SCLY: variants seen among roughly 807,000 people sequenced by gnomAD.
SCLY encodes the protein putative selenocysteine lyase.
A neutral mutation model predicts 50.1 loss-of-function variants in SCLY; 38 were observed. The ratio of observed to expected loss-of-function variants is 0.76; its 90% confidence interval spans 0.59 to 0.99. SCLY has a LOEUF of 0.99. Among genes scored for constraint, SCLY ranks in the 50% least tolerant of loss-of-function variants. The pLI is 0.00. For missense variants in SCLY, 600 were observed against 620.0 expected (o/e 0.97, Z 0.34); for synonymous variants, 243 against 249.4 (o/e 0.97, Z 0.24).
Position 238,069,203 on chromosome 2 carries a change from T to A in SCLY, c.304-94T>A. On this transcript the variant is annotated intron_variant, in intron 3 of 11. Transcript: ENST00000254663. The surrounding 1 kb of genome is among the most constrained non-coding windows in gnomAD (Gnocchi z 5.0). ...GAATTTCTTTGAAGCTTTTTTGATGTTAGCCACAAAAGAAATTAAGTAACA... is the reference window on the plus strand; with the variant it reads ...GAATTTCTTTGAAGCTTTTTTGATGATAGCCACAAAAGAAATTAAGTAACA... 1.7e-6 allele frequency: 2 copies of A among 1,163,814 alleles called. No homozygotes were observed. The highest frequency in any genetic ancestry group is 3.1e-5 in the South Asian group (2 of 63,666). The allele number at this position is 1,163,814 out of a possible 1,614,324, so 72.1% of individuals were successfully genotyped here.
chr2:238,071,006 A>G (rs2065122175), intron 4 of SCLY, among the ~76,000 whole-genome samples: 1 of 151,690 alleles, frequency 6.6e-6, no homozygotes, highest in African/African-American at 2.4e-5. Context: ...TGATTTTTAT[A>G]TTTTTAAGAG....
At chr2:238,072,661 T>C (rs1024961403) in intron 4 of SCLY, among the ~76,000 whole-genome samples, 3 of 152,248 alleles carry the variant, frequency 2.0e-5, no homozygotes, top group African/African-American at 7.2e-5. Flanking sequence ...CATGTACTCC[T>C]TGGCCATTTG....
Position 238,064,259 on chromosome 2 carries a change from A to G in SCLY, c.90-98A>G, listed in dbSNP as rs1019536470. Reference sequence around the variant, plus strand: ...TGCAGAGGATCACCATGCCCTTGACATTATTTGCTCCTGCCGATGGGATAG... The same window carrying G: ...TGCAGAGGATCACCATGCCCTTGACGTTATTTGCTCCTGCCGATGGGATAG... On this transcript the variant is annotated intron_variant, in intron 1 of 11. Transcript: ENST00000254663. The G allele has an allele frequency of 1.4e-5, 9 of 649,716 alleles. No individual in the cohort carries two copies. In the African/African-American group the frequency reaches 1.7e-4, roughly 12 times the overall value. 40.2% of individuals were successfully genotyped at this position (649,716 alleles called of 1,614,324 possible). A position where few individuals can be genotyped will look rare whatever the true frequency, so the allele number is the denominator to read the frequency against.
rs540774829 is a variant in SCLY at position 238,067,047 on chromosome 2, G to A, written c.203-1018G>A. On this transcript the variant is annotated intron_variant, in intron 2 of 11. Transcript: ENST00000254663. The surrounding 1 kb of genome is among the most constrained non-coding windows in gnomAD (Gnocchi z 4.3). ...CCACCGGGTCCCTCTGATGACGTGGGAATTATGGGAGCTACAATTCAAGAT... is the reference window on the plus strand; with the variant it reads ...CCACCGGGTCCCTCTGATGACGTGGAAATTATGGGAGCTACAATTCAAGAT... 6.6e-6 allele frequency among the ~76,000 whole-genome samples: 1 copy of A among 152,154 alleles called. No individual in the cohort carries two copies. The highest frequency in any genetic ancestry group is 1.5e-5 in the Non-Finnish European group (1 of 68,030).
At chr2:238,075,768 T>C (rs1446590539) in intron 4 of SCLY, among the ~76,000 whole-genome samples, 3 of 152,190 alleles carry the variant, frequency 2.0e-5, no homozygotes, top group Admixed American at 6.5e-5. Flanking sequence ...TCTTGTTCAA[T>C]TTAGCTAAAG....
At chr2:238,082,845 A>G (rs995787324) in intron 6 of SCLY, 17 of 304,142 alleles carry the variant, frequency 5.6e-5, no homozygotes, top group Non-Finnish European at 9.2e-5. Context: ...TGTCAGTTGG[A>G]AACATGGAAT....
At chr2:238,094,033 G>C in intron 9 of SCLY, 89 bp downstream of exon 9, 1 of 1,134,666 alleles carries the variant, frequency 8.8e-7, no homozygotes, top group Non-Finnish European at 1.3e-6. Flanking sequence ...CCAGACCCCA[G>C]GACCTGTGGG....
intron 8 of SCLY, chr2:238,091,546 T>TG: frequency 7.3e-6 from 3 of 409,964 alleles, no homozygotes; most frequent in African/African-American, 2.0e-5. Context: ...AGCTGCAGGT[T>TG]CACCATTCCC....
chr2:238,088,071 G>C (rs879565921), intron 7 of SCLY, among the ~76,000 whole-genome samples: 4 of 152,184 alleles, frequency 2.6e-5, no homozygotes, highest in Non-Finnish European at 4.4e-5. Context: ...CTCCAGTTTG[G>C]GTGACAAAGT....
intron 7 of SCLY, among the ~76,000 whole-genome samples, chr2:238,089,922 G>C (rs550506648): frequency 1.2e-4 from 18 of 152,280 alleles, no homozygotes; most frequent in African/African-American, 4.3e-4. Context: ...TGATAAATTA[G>C]ACTTCATCAG....
At chr2:238,078,513 GCTTA>G (rs2065196564) in intron 4 of SCLY, 1 of 151,876 alleles carries the variant, frequency 6.6e-6, no homozygotes, top group South Asian at 2.1e-4. Flanking sequence ...GTTGTCAAGG[GCTTA>G]CTATTTATGT....
At chr2:238,082,425 T>A (rs1416703038) in intron 6 of SCLY, among the ~76,000 whole-genome samples, 1 of 149,212 alleles carries the variant, frequency 6.7e-6, no homozygotes, top group Non-Finnish European at 1.5e-5. Flanking sequence ...ATGGGGGGGG[T>A]GCCCAGCCCA....
At chr2:238,095,434 CAA>C (rs1168134637) in intron 10 of SCLY, 1 of 152,172 alleles carries the variant, frequency 6.6e-6, no homozygotes, top group East Asian at 1.9e-4. Context: ...CATCTGTAAA[CAA>C]GTTTTTGACT....
At chr2:238,082,348 C>A in intron 6 of SCLY, 139 bp downstream of exon 6, 1 of 772,350 alleles carries the variant, frequency 1.3e-6, no homozygotes, top group Non-Finnish European at 2.0e-6. Flanking sequence ...GGATCCTTGT[C>A]CTCAGGAGCT....
intron 4 of SCLY, among the ~76,000 whole-genome samples, chr2:238,074,585 G>A (rs1245261284): frequency 6.6e-6 from 1 of 152,064 alleles, no homozygotes; most frequent in Non-Finnish European, 1.5e-5. Context: ...CTGGGTTCAA[G>A]CGATTCTCCT....
At chr2:238,071,741 C>T (rs1036613176) in intron 4 of SCLY, among the ~76,000 whole-genome samples, 12 of 152,198 alleles carry the variant, frequency 7.9e-5, no homozygotes, top group African/African-American at 2.9e-4. Context: ...AGCTAAATAA[C>T]TTAAAAACCT....
chr2:238,062,531 T>C (rs972868477), intron 1 of SCLY, among the ~76,000 whole-genome samples: 2 of 152,066 alleles, frequency 1.3e-5, no homozygotes, highest in African/African-American at 4.8e-5. Context: ...TGTCTCAGCC[T>C]CCCAAGTAGC....
intron 8 of SCLY, chr2:238,091,523 AGGTGAAG>A: frequency 2.3e-6 from 1 of 430,054 alleles, no homozygotes; most frequent in Non-Finnish European, 4.3e-6. Context: ...GTTACAGCAG[AGGTGAAG>A]TGTCAAGCTG....
rs746267923 is a variant in SCLY, at chr2:238,069,340, C to A, written c.347C>A (p.Ala116Glu). The change falls in exon 4 of 12, where the codon GCA becomes GAA. Residue 116 changes from alanine (A) to glutamate (E), a missense_variant. Coordinates refer to ENST00000254663, the MANE Select transcript of SCLY (RefSeq NM_016510.7). The surrounding 1 kb of genome is among the most constrained non-coding windows in gnomAD (Gnocchi z 5.0). ...CATTCTGTGGTGAAACATTTCCACG[C>A]AAACCAGACCTCAAAGGGACACACA... ...VIHSVVKHFH[A>E]NQTSKGHTGG... is the part of the protein sequence containing the mutation. 3.1e-6 allele frequency: 5 copies of A among 1,613,876 alleles called. No individual in the cohort carries two copies. The highest frequency in any genetic ancestry group is 1.7e-5 in the Admixed American group (1 of 59,958).
Sources: gnomAD v4.1 joint callset for allele counts (sites outside exome capture counted in the v4.1 genomes callset) on GRCh38, gnomAD v4.1.1 for gene constraint, Gnocchi (gnomAD v3.1) non-coding constraint, MANE v1.5 for transcripts, NCBI Gene and HGNC (gene_info 2026-07-23, HGNC 2026-07-21) for gene names.